ACP3: variants seen among roughly 807,000 people sequenced by gnomAD.
ACP3 encodes the protein prostatic acid phosphatase.
ACP3 carries 38 observed loss-of-function variants against 45.6 expected under a neutral mutation model. That is an observed-to-expected ratio of 0.83 (90% CI 0.64 to 1.09). The LOEUF is 1.09. ACP3 is among the 50% of genes least tolerant of loss of function. ACP3 has a pLI of 0.00. For missense variants in ACP3, 466 were observed against 463.2 expected (o/e 1.01, Z -0.05); for synonymous variants, 162 against 164.7 (o/e 0.98, Z 0.13).
intron 7 of ACP3, among the ~76,000 whole-genome samples, chr3:132,348,451 G>A (rs1937642700): frequency 6.6e-6 from 1 of 152,070 alleles, no homozygotes; most frequent in South Asian, 2.1e-4. Context: ...AGAGCCTGAG[G>A]ATAATCATGA....
At position 132,357,845 on chromosome 3, in the gene ACP3, G is replaced by A. The variant is rs1357978764; in HGVS notation, c.*967G>A. ...GCTCAGGAGGTCAAGATCAGCCTGG[G>A]CAACATGGTGAAACCTGGTCTCTAC... is the stretch of plus-strand genomic sequence containing the variant. On this transcript the variant is annotated 3_prime_UTR_variant, in exon 10 of 10. Transcript: ENST00000336375. 1 of 579,914 alleles carries A rather than the reference G, an allele frequency of 1.7e-6. No homozygotes were observed. The highest frequency in any genetic ancestry group is 8.6e-4 in the Middle Eastern group (1 of 1,164). 35.9% of individuals were successfully genotyped at this position (579,914 alleles called of 1,614,324 possible).
In ACP3 at chr3:132,352,812, C is replaced by CTTTGAGAAGG; in HGVS notation, c.958_967dup (p.Gly323ValfsTer2). On this transcript the variant is annotated frameshift_variant, in exon 9 of 10. Transcript: ENST00000336375. LOFTEE classifies it low-confidence loss of function (END_TRUNC). ...CTTCTTGCCACTTGACGGAATTGTA[C>CTTTGAGAAGG]TTTGAGAAGGGGTAAGTGACTAAGT... 1 of 1,608,430 alleles carries CTTTGAGAAGG rather than the reference C, an allele frequency of 6.2e-7. No homozygotes were observed. Among genetic ancestry groups the CTTTGAGAAGG allele is most frequent in the Non-Finnish European group, 8.5e-7 (1 of 1,174,924 alleles).
Position 132,337,447 on chromosome 3 carries a change from T to C in ACP3, c.457-9T>C, listed in dbSNP as rs1937510220. The C allele has an allele frequency of 3.2e-6, 5 of 1,572,864 alleles. No individual in the cohort carries two copies. The highest frequency in any genetic ancestry group is 2.7e-5 in the African/African-American group (2 of 73,892). ...CATAACAGTTTTATGATTTTTCTCT[T>C]ATCCTCAGTTGCTATACCTGCCTTT... On this transcript the variant is annotated splice_polypyrimidine_tract_variant and intron_variant, in intron 4 of 9. Coordinates refer to ENST00000336375, the MANE Select transcript of ACP3 (RefSeq NM_001099.5).
intron 4 of ACP3, chr3:132,333,297 A>G (rs2107800137): frequency 6.5e-6 from 1 of 152,692 alleles, no homozygotes; most frequent in African/African-American, 2.4e-5. Flanking sequence ...AGGAATGGGT[A>G]TTTTTAAAGT....
In ACP3 at chr3:132,357,820, G is replaced by A; in HGVS notation, c.*942G>A. ...AGTCCGAGGTGGGCAGATCACTTGAGCTCAGGAGGTCAAGATCAGCCTGGG... is the reference window on the plus strand; with the variant it reads ...AGTCCGAGGTGGGCAGATCACTTGAACTCAGGAGGTCAAGATCAGCCTGGG... On this transcript the variant is annotated 3_prime_UTR_variant, in exon 10 of 10. Coordinates refer to ENST00000336375, the MANE Select transcript of ACP3 (RefSeq NM_001099.5). The A allele has an allele frequency of 1.2e-6, 1 of 815,248 alleles. No individual in the cohort carries two copies. The highest frequency in any genetic ancestry group is 1.5e-6 in the Non-Finnish European group (1 of 674,592). The allele number at this position is 815,248 out of a possible 1,614,324, so 50.5% of individuals were successfully genotyped here.
intron 10 of ACP3, among the ~76,000 whole-genome samples, chr3:132,364,762 G>C (rs1938102263): frequency 6.6e-6 from 1 of 152,126 alleles, no homozygotes; most frequent in South Asian, 2.1e-4. Context: ...GTCTAGAAAG[G>C]AAAGAAGGAA....
At position 132,358,499 on chromosome 3, in the gene ACP3, T is replaced by G. The variant is rs1291292950; in HGVS notation, c.*1621T>G. The G allele has an allele frequency of 1.6e-6, 2 of 1,262,358 alleles. No individual in the cohort carries two copies. Among genetic ancestry groups the G allele is most frequent in the Non-Finnish European group, 2.1e-6 (2 of 972,054 alleles). 78.2% of individuals were successfully genotyped at this position (1,262,358 alleles called of 1,614,324 possible). ...GCAGATCTACATGTCTAGAGAACAC[T>G]GTGCTCTATTACCATTATGGATAAA... On this transcript the variant is annotated 3_prime_UTR_variant, in exon 10 of 10. Transcript: ENST00000336375.
At chr3:132,352,689 C>G in intron 8 of ACP3, 31 bp from the exon 9 acceptor site, 1 of 1,483,214 alleles carries the variant, frequency 6.7e-7, no homozygotes, top group Non-Finnish European at 9.4e-7. Context: ...TGAATCTGAA[C>G]AGGCGATAAA....
intron 2 of ACP3, among the ~76,000 whole-genome samples, chr3:132,328,581 A>T (rs186933887): frequency 6.8e-6 from 1 of 147,982 alleles, no homozygotes; most frequent in Non-Finnish European, 1.5e-5. Flanking sequence ...CGGGAGTCTG[A>T]GGTAGGAGAA....
chr3:132,343,959 C>A (rs1004470950), intron 6 of ACP3, among the ~76,000 whole-genome samples: 3 of 151,968 alleles, frequency 2.0e-5, no homozygotes, highest in African/African-American at 7.3e-5. Context: ...CATAATGAGG[C>A]CCTACCTCTA....
At chr3:132,350,366 C>A (rs17182426) in intron 8 of ACP3, among the ~76,000 whole-genome samples, 1 of 151,878 alleles carries the variant, frequency 6.6e-6, no homozygotes. Context: ...AGTAAGTGCT[C>A]CTCACTAGTG....
chr3:132,331,425 G>T (rs1937396397), intron 2 of ACP3, among the ~76,000 whole-genome samples: 1 of 152,182 alleles, frequency 6.6e-6, no homozygotes, highest in Admixed American at 6.5e-5. Flanking sequence ...TATGTTAAGT[G>T]CTAATGAAGA....
At chr3:132,345,125 C>CAA in intron 7 of ACP3, 66 bp downstream of exon 7, 1 of 1,424,166 alleles carries the variant, frequency 7.0e-7, no homozygotes, top group Non-Finnish European at 9.7e-7. Flanking sequence ...CTGAGTCATT[C>CAA]CCTCCACTAA....
chr3:132,332,264 C>A lies in ACP3; in HGVS notation c.376C>A (p.Pro126Thr). The A allele has an allele frequency of 6.2e-7, 1 of 1,614,126 alleles. No homozygotes were observed. The change falls in exon 4 of 10, where the codon CCA (proline) becomes ACA (threonine). Residue 126 changes from proline (P) to threonine (T), a missense_variant. Physicochemically the swap from Pro to Thr is conservative, Grantham distance 38. Transcript: ENST00000336375. ...AMTNLAALFP[P>T]EGVSIWNPIL... is the part of the protein sequence containing the mutation. ...GACAAACCTGGCAGCCCTGTTTCCC[C>A]CAGAAGGTGTCAGCATCTGGAATCC...
chr3:132,356,995 T>C lies in ACP3; in HGVS notation c.*117T>C. ...GAGGAAAATGGGCTTTGGATGATTA[T>C]TTTATGTTTTAGGGACCCCCAACCT... is the stretch of plus-strand genomic sequence containing the variant. On this transcript the variant is annotated 3_prime_UTR_variant, in exon 10 of 10. Transcript: ENST00000336375. 1 of 1,416,480 alleles carries C rather than the reference T, an allele frequency of 7.1e-7. No individual in the cohort carries two copies. The highest frequency in any genetic ancestry group is 2.6e-5 in the East Asian group (1 of 38,292). 87.7% of individuals were successfully genotyped at this position (1,416,480 alleles called of 1,614,324 possible).
intron 4 of ACP3, 140 bp downstream of exon 4, chr3:132,332,484 G>C: frequency 4.1e-6 from 4 of 984,736 alleles, no homozygotes; most frequent in Non-Finnish European, 5.9e-6. Context: ...AGATACAAAG[G>C]ACAATTTAGG....
intron 1 of ACP3, among the ~76,000 whole-genome samples, chr3:132,323,788 T>C (rs1937247272): frequency 6.6e-6 from 1 of 152,180 alleles, no homozygotes; most frequent in African/African-American, 2.4e-5. Context: ...TGTGAGCCCT[T>C]GTAAGGACCT....
chr3:132,364,380 C>A (rs527544866), intron 10 of ACP3, among the ~76,000 whole-genome samples: 1 of 148,576 alleles, frequency 6.7e-6, no homozygotes, highest in African/African-American at 2.5e-5. Context: ...AACAAACTGG[C>A]CCCCCATTTA....
rs116804987 is a variant in ACP3 at position 132,352,758 on chromosome 3, T to C, written c.903T>C (p.Asp301=). 38 of 1,613,962 alleles carry C rather than the reference T, an allele frequency of 2.4e-5. No individual in the cohort carries two copies. The highest frequency in any genetic ancestry group is 1.3e-4 in the South Asian group (12 of 91,086). Residue 301 remains aspartate (D), a synonymous_variant, in exon 9 of 10, where the codon GAT becomes GAC. Transcript: ENST00000336375. ...TGAGTGGCCTACAGATGGCGCTAGA[T>C]GTTTACAACGGACTCCTTCCTCCCT... ...TTVSGLQMAL[D]VYNGLLPPYA... is the part of the protein sequence containing the mutation.
Sources: gnomAD v4.1 joint callset for allele counts (sites outside exome capture counted in the v4.1 genomes callset) on GRCh38, gnomAD v4.1.1 for gene constraint, MANE v1.5 for transcripts, NCBI Gene and HGNC (gene_info 2026-07-23, HGNC 2026-07-21) for gene names.